Variants in NRXN3 observed in about 807,000 individuals in gnomAD.
NRXN3 encodes neurexin 3, also known as neurexin III.
NRXN3 carries 32 observed loss-of-function variants against 137.6 expected under a neutral mutation model. The observed-to-expected ratio is 0.23, with a 90% confidence interval of 0.18 to 0.31. The LOEUF (loss-of-function observed/expected upper bound fraction) is 0.31. NRXN3 is among the 10% of genes least tolerant of loss of function. The pLI is 1.00. For missense variants in NRXN3, 1,574 were observed against 2,062.5 expected (o/e 0.76, Z 4.59); for synonymous variants, 798 against 784.5 (o/e 1.02, Z -0.29).
At chr14:79,051,856 G>A (rs750007190) in intron 15 of NRXN3, among the ~76,000 whole-genome samples, 1 of 152,176 alleles carries the variant, frequency 6.6e-6, no homozygotes, top group African/African-American at 2.4e-5. Context: ...GACGGATATC[G>A]AACTTGACCT....
chr14:78,740,414 C>G (rs887502467), intron 8 of NRXN3, among the ~76,000 whole-genome samples: 8 of 152,088 alleles, frequency 5.3e-5, no homozygotes, highest in Middle Eastern at 3.4e-3. Flanking sequence ...ATTTCTCAAC[C>G]TACTATCTTT....
chr14:79,441,283 A>C lies in NRXN3; in HGVS notation c.3263-25938A>C, dbSNP rs1268993707. On this transcript the variant is annotated intron_variant, in intron 15 of 20. Coordinates refer to ENST00000335750, the MANE Select transcript of NRXN3 (RefSeq NM_001330195.2). Reference sequence around the variant, plus strand: ...GTAGCAAGTTCTTGGCCTGGTCTTCATTTTCAATTCTAAAAATTTTGAGGG... The same window carrying C: ...GTAGCAAGTTCTTGGCCTGGTCTTCCTTTTCAATTCTAAAAATTTTGAGGG... Among the ~76,000 whole-genome samples the C allele has an allele frequency of 2.0e-5, 3 of 149,136 alleles. No individual in the cohort carries two copies. The Admixed American group carries it at 2.0e-4, about 10-fold the overall frequency.
chr14:79,804,608 G>C (rs1296422269), intron 19 of NRXN3, among the ~76,000 whole-genome samples: 1 of 152,150 alleles, frequency 6.6e-6, no homozygotes, highest in Non-Finnish European at 1.5e-5. Flanking sequence ...AGTTCCTAAA[G>C]AGAATGCATT....
intron 16 of NRXN3, among the ~76,000 whole-genome samples, chr14:79,469,135 T>G (rs1207713580): frequency 6.6e-6 from 1 of 152,186 alleles, no homozygotes; most frequent in Non-Finnish European, 1.5e-5. Context: ...ATTTATCTTC[T>G]TTTTTTGTTC....
At chr14:79,494,265 C>T (rs1315795681) in intron 16 of NRXN3, among the ~76,000 whole-genome samples, 2 of 152,118 alleles carry the variant, frequency 1.3e-5, no homozygotes, top group Admixed American at 6.5e-5. Context: ...ACTGTCTACC[C>T]TAATGGATTA....
chr14:79,261,111 A>C (rs2153406438), intron 15 of NRXN3, among the ~76,000 whole-genome samples: 1 of 152,242 alleles, frequency 6.6e-6, no homozygotes, highest in South Asian at 2.1e-4. Flanking sequence ...TGTGCTGGGA[A>C]GGGGTGAGGA....
At position 78,201,252 on chromosome 14, in the gene NRXN3, C is replaced by T. The variant is rs115966559; in HGVS notation, c.-704+30578C>T. On this transcript the variant is annotated intron_variant, in intron 1 of 20. Transcript: ENST00000335750. ...ATAGGAATGACTTCTTCCTCGAGATCGTAGCCAAAACAGGCTCCCTGACTT... is the reference window on the plus strand; with the variant it reads ...ATAGGAATGACTTCTTCCTCGAGATTGTAGCCAAAACAGGCTCCCTGACTT... Among the ~76,000 whole-genome samples the T allele has an allele frequency of 6.6e-3, 999 of 152,300 alleles. 15 individuals carry two copies. The highest frequency in any genetic ancestry group is 0.023 in the African/African-American group (948 of 41,562).
intron 2 of NRXN3, among the ~76,000 whole-genome samples, chr14:78,270,340 C>T (rs767680952): frequency 6.6e-6 from 1 of 152,162 alleles, no homozygotes; most frequent in Admixed American, 6.5e-5. Flanking sequence ...TTTTGATTTC[C>T]TGGTGTCCTC....
intron 8 of NRXN3, among the ~76,000 whole-genome samples, chr14:78,795,333 C>A (rs928814814): frequency 6.6e-5 from 10 of 152,142 alleles, no homozygotes; most frequent in Admixed American, 6.5e-4. Flanking sequence ...TTTACAGAAA[C>A]CTTTTTCCAT....
chr14:78,888,868 CA>C (rs1567618058), intron 10 of NRXN3, among the ~76,000 whole-genome samples: 15 of 151,874 alleles, frequency 9.9e-5, no homozygotes, highest in East Asian at 7.8e-4. Flanking sequence ...CACACACACA[CA>C]CACCCCAGAT....
chr14:78,677,264 G>A (rs1052526235), intron 6 of NRXN3, among the ~76,000 whole-genome samples: 16 of 152,156 alleles, frequency 1.1e-4, no homozygotes, highest in Non-Finnish European at 2.1e-4. Context: ...TGATTAATGA[G>A]GAAAGGTCAA....
At chr14:79,085,836 G>A (rs1334366661) in intron 15 of NRXN3, among the ~76,000 whole-genome samples, 1 of 152,120 alleles carries the variant, frequency 6.6e-6, no homozygotes, top group Admixed American at 6.5e-5. Context: ...AGTATGATGA[G>A]GAAAAAGAAG....
At chr14:79,289,632 T>C (rs1297784991) in intron 15 of NRXN3, among the ~76,000 whole-genome samples, 2 of 151,748 alleles carry the variant, frequency 1.3e-5, no homozygotes, top group Non-Finnish European at 2.9e-5. Context: ...AAAAAAAAAA[T>C]TAATCATGAG....
rs2099417221 is a variant in NRXN3 at position 79,864,699 on chromosome 14, A to G, written c.*2735A>G. 6.6e-6 allele frequency: 1 copy of G among 152,132 alleles called. No homozygotes were observed. Among genetic ancestry groups the G allele is most frequent in the Non-Finnish European group, 1.5e-5 (1 of 68,028 alleles). 9.4% of individuals were successfully genotyped at this position (152,132 alleles called of 1,614,324 possible). A position where few individuals can be genotyped will look rare whatever the true frequency, so the allele number is the denominator to read the frequency against. The stretch of plus-strand genomic sequence containing the variant: ...ATAGAAACATTGTATTCTAGAAAAG[A>G]TTATTGGATACTATGGTTTTGTTTG... On this transcript the variant is annotated 3_prime_UTR_variant, in exon 21 of 21. Coordinates refer to ENST00000335750, the MANE Select transcript of NRXN3 (RefSeq NM_001330195.2).
chr14:78,799,994 T>G (rs1360970938), intron 8 of NRXN3, among the ~76,000 whole-genome samples: 1 of 151,956 alleles, frequency 6.6e-6, no homozygotes, highest in Non-Finnish European at 1.5e-5. Flanking sequence ...TAATCAAACT[T>G]GAAAATAGAA....
intron 4 of NRXN3, among the ~76,000 whole-genome samples, chr14:78,356,865 T>C (rs1279413274): frequency 6.6e-6 from 1 of 152,226 alleles, no homozygotes; most frequent in African/African-American, 2.4e-5. Context: ...GGCAGGTGTC[T>C]TTCTGGAAGA....
chr14:79,002,141 T>G (rs2099542657), intron 15 of NRXN3, among the ~76,000 whole-genome samples: 1 of 152,168 alleles, frequency 6.6e-6, no homozygotes, highest in Non-Finnish European at 1.5e-5. Flanking sequence ...GATTAGACTA[T>G]TCAAATAGCA....
intron 15 of NRXN3, among the ~76,000 whole-genome samples, chr14:79,174,448 C>T (rs557789071): frequency 3.3e-5 from 5 of 150,392 alleles, no homozygotes; most frequent in African/African-American, 4.8e-5. Context: ...TAAATTGTTA[C>T]AGCTTTTTTT....
At chr14:79,837,349 G>T (rs760701619) in intron 20 of NRXN3, among the ~76,000 whole-genome samples, 12 of 151,958 alleles carry the variant, frequency 7.9e-5, no homozygotes, top group Non-Finnish European at 1.5e-4. Context: ...CTAAAATGGG[G>T]CACAGAGACT....
Sources: allele counts gnomAD v4.1 joint callset (sites outside exome capture counted in the v4.1 genomes callset), GRCh38; gene constraint gnomAD v4.1.1; transcripts MANE v1.5; gene names NCBI Gene and HGNC (gene_info 2026-07-23, HGNC 2026-07-21).